Variants in PID1 observed in about 807,000 individuals in gnomAD.
The protein encoded by PID1 is phosphotyrosine interaction domain containing 1.
Under a neutral mutation model 19.1 loss-of-function variants are expected in PID1, and 10 were observed. The ratio of observed to expected loss-of-function variants is 0.52; its 90% CI spans 0.32 to 0.89. The LOEUF (loss-of-function observed/expected upper bound fraction) is 0.89. Among genes scored for constraint, PID1 ranks in the 40% least tolerant of loss-of-function variants. PID1 has a pLI of 0.03. For missense variants in PID1, 248 were observed against 285.3 expected, an observed-to-expected ratio of 0.87 and a Z score of 0.94; for synonymous variants, 130 against 116.0, an observed-to-expected ratio of 1.12 and a Z score of -0.78.
intron 1 of PID1, chr2:229,228,113 C>T (rs1180312658): frequency 4.4e-6 from 2 of 450,150 alleles, no homozygotes; most frequent in Non-Finnish European, 9.0e-6. Flanking sequence ...ACACCAAATC[C>T]AAGAGAATCG....
chr2:229,155,728 A>T, intron 2 of PID1, 90 bp downstream of exon 2: 1 of 1,168,502 alleles, frequency 8.6e-7, no homozygotes, highest in Non-Finnish European at 1.2e-6. Flanking sequence ...ATTCTTAAAA[A>T]TGATTACCAT....
At chr2:229,247,177 C>T (rs1208011406) in intron 1 of PID1, among the ~76,000 whole-genome samples, 1 of 152,148 alleles carries the variant, frequency 6.6e-6, no homozygotes, top group Non-Finnish European at 1.5e-5. Context: ...TTAGCTTCAG[C>T]TGCAAATGAA....
intron 2 of PID1, among the ~76,000 whole-genome samples, chr2:229,050,832 C>T (rs1309915200): frequency 2.4e-5 from 3 of 126,018 alleles, no homozygotes; most frequent in Admixed American, 8.3e-5. Context: ...CAAGCAAAAA[C>T]AAAACAAAAA....
chr2:229,260,780 A>G (rs554565742), intron 1 of PID1, among the ~76,000 whole-genome samples: 1 of 150,440 alleles, frequency 6.6e-6, no homozygotes, highest in African/African-American at 2.4e-5. Context: ...AGTAGTAGAC[A>G]TGACATGGAG....
intron 2 of PID1, among the ~76,000 whole-genome samples, chr2:229,141,211 C>A (rs1314852097): frequency 1.3e-5 from 2 of 151,956 alleles, no homozygotes; most frequent in Non-Finnish European, 2.9e-5. Flanking sequence ...ATCTTCAAGA[C>A]TAAGGTCCAT....
intron 1 of PID1, among the ~76,000 whole-genome samples, chr2:229,229,110 G>A (rs1322621432): frequency 2.6e-5 from 4 of 152,180 alleles, no homozygotes; most frequent in Non-Finnish European, 4.4e-5. Flanking sequence ...CTAAGTCTAT[G>A]TGTGCAGTAA....
chr2:229,155,860 C>T lies in PID1; in HGVS notation c.135G>A (p.Thr45=), dbSNP rs765053565. The change falls in exon 2 of 3, where the codon ACG becomes ACA. Residue 45 remains threonine (T), a synonymous_variant. Transcript: ENST00000392055. ...FHEPEAIELC[T]TTPLMKTRTH... ...TCCTTGTCTTCATCAGCGGTGTGGT[C>T]GTGCACAGCTCAATGGCCTCCGGCT... 54 of 1,613,648 alleles carry T rather than the reference C, an allele frequency of 3.3e-5. No individual in the cohort carries two copies. In the South Asian group the frequency reaches 3.6e-4, roughly 11 times the overall value.
chr2:229,079,621 AGTTCTTTTCT>A (rs1694631832), intron 2 of PID1, among the ~76,000 whole-genome samples: 1 of 152,190 alleles, frequency 6.6e-6, no homozygotes, highest in South Asian at 2.1e-4. Context: ...AAGTACTACA[AGTTCTTTTCT>A]GTCCTGTAAT....
At chr2:229,219,842 T>A (rs1044569553) in intron 1 of PID1, among the ~76,000 whole-genome samples, 3 of 152,042 alleles carry the variant, frequency 2.0e-5, no homozygotes, top group East Asian at 1.9e-4. Context: ...ATTTTTATTT[T>A]TTTTTTGTCA....
intron 1 of PID1, among the ~76,000 whole-genome samples, chr2:229,228,930 G>C (rs1692142271): frequency 6.6e-6 from 1 of 152,142 alleles, no homozygotes; most frequent in Admixed American, 6.5e-5. Flanking sequence ...ATTCCTTGTT[G>C]GTTCTCTACC....
At chr2:229,199,156 CT>C (rs1273449862) in intron 1 of PID1, among the ~76,000 whole-genome samples, 1 of 152,000 alleles carries the variant, frequency 6.6e-6, no homozygotes, top group African/African-American at 2.4e-5. Context: ...CCAAATATGC[CT>C]GAGACAACCT....
intron 1 of PID1, among the ~76,000 whole-genome samples, chr2:229,233,729 T>C (rs1692265693): frequency 6.6e-6 from 1 of 152,126 alleles, no homozygotes; most frequent in Non-Finnish European, 1.5e-5. Context: ...TGACCTCAGG[T>C]GATCCACTCA....
intron 2 of PID1, among the ~76,000 whole-genome samples, chr2:229,145,477 G>A (rs1053407728): frequency 2.0e-5 from 3 of 151,696 alleles, no homozygotes; most frequent in Non-Finnish European, 4.4e-5. Context: ...CTTTTTTCTA[G>A]ATAAATAAAC....
At chr2:229,199,904 T>C (rs1691459898) in intron 1 of PID1, among the ~76,000 whole-genome samples, 1 of 151,882 alleles carries the variant, frequency 6.6e-6, no homozygotes. Flanking sequence ...TGAAATCAAA[T>C]AACAAAAAGT....
At chr2:229,056,448 A>T (rs564273143) in intron 2 of PID1, among the ~76,000 whole-genome samples, 1 of 152,256 alleles carries the variant, frequency 6.6e-6, no homozygotes, top group Non-Finnish European at 1.5e-5. Context: ...AGGAGGAGTA[A>T]TTTGTATGAT....
At chr2:229,191,125 T>C (rs1691251863) in intron 1 of PID1, among the ~76,000 whole-genome samples, 1 of 152,156 alleles carries the variant, frequency 6.6e-6, no homozygotes, top group South Asian at 2.1e-4. Flanking sequence ...CATAATTCTT[T>C]GTTGAGGGAC....
chr2:229,233,390 T>C (rs12991010), intron 1 of PID1, among the ~76,000 whole-genome samples: 80,827 of 150,660 alleles, frequency 0.54, 22,183 homozygotes, highest in African/African-American at 0.61. Context: ...TAGATGTACA[T>C]GGGCAGGGTG....
At chr2:229,234,760 G>A (rs1372149517) in intron 1 of PID1, among the ~76,000 whole-genome samples, 1 of 152,150 alleles carries the variant, frequency 6.6e-6, no homozygotes, top group Non-Finnish European at 1.5e-5. Context: ...CTAACAGGAG[G>A]TTAGGTAAGT....
At chr2:229,183,388 A>T (rs2106220828) in intron 1 of PID1, among the ~76,000 whole-genome samples, 1 of 152,318 alleles carries the variant, frequency 6.6e-6, no homozygotes, top group Non-Finnish European at 1.5e-5. Context: ...TTAATGTGTC[A>T]CCTTAATTGG....
Sources: gnomAD v4.1 joint callset for allele counts (sites outside exome capture counted in the v4.1 genomes callset) on GRCh38, gnomAD v4.1.1 for gene constraint, MANE v1.5 for transcripts, NCBI Gene and HGNC (gene_info 2026-07-23, HGNC 2026-07-21) for gene names.